PAPPA: variants seen among roughly 807,000 people sequenced by gnomAD.
PAPPA encodes the protein pappalysin-1.
Under a neutral mutation model 164.0 loss-of-function variants are expected in PAPPA, and 60 were observed. The ratio of observed to expected loss-of-function variants is 0.37; its 90% CI spans 0.30 to 0.45. The LOEUF (loss-of-function observed/expected upper bound fraction) is 0.45. Among genes scored for constraint, PAPPA ranks in the 20% least tolerant of loss-of-function variants. The pLI is 1.00. For missense variants in PAPPA, 1,782 were observed against 2,087.3 expected, an observed-to-expected ratio of 0.85 and a Z score of 2.85; for synonymous variants, 875 against 814.1, an observed-to-expected ratio of 1.07 and a Z score of -1.27.
chr9:116,310,282 G>C (rs367945399), intron 10 of PAPPA, among the ~76,000 whole-genome samples: 21 of 152,288 alleles, frequency 1.4e-4, no homozygotes, highest in African/African-American at 5.1e-4. Context: ...GGTGGTGGAA[G>C]GAGGAAAGGC....
At chr9:116,193,987 T>C (rs1050019666) in intron 2 of PAPPA, among the ~76,000 whole-genome samples, 7 of 152,184 alleles carry the variant, frequency 4.6e-5, no homozygotes, top group African/African-American at 1.7e-4. Context: ...AGAAAAGAGC[T>C]GGTGGGCTGG....
chr9:116,265,776 C>T, intron 7 of PAPPA, 81 bp from the exon 8 acceptor site: 10 of 1,180,232 alleles, frequency 8.5e-6, no homozygotes, highest in Non-Finnish European at 1.2e-5. Flanking sequence ...ATAGAACCTA[C>T]TCCAGGGGAT....
chr9:116,378,611 C>A (rs1010154133), intron 20 of PAPPA, among the ~76,000 whole-genome samples: 1 of 152,142 alleles, frequency 6.6e-6, no homozygotes, highest in East Asian at 1.9e-4. Context: ...TAAACAGAGA[C>A]CCAGGCAGTG....
chr9:116,178,309 T>C (rs1168307961), intron 1 of PAPPA, among the ~76,000 whole-genome samples: 2 of 152,110 alleles, frequency 1.3e-5, no homozygotes, highest in African/African-American at 2.4e-5. Flanking sequence ...GGTTTCATCA[T>C]GTTGGCCAGG....
Position 116,271,569 on chromosome 9 carries a change from G to C in PAPPA, c.2953+153G>C, listed in dbSNP as rs1845138233. 6.6e-6 allele frequency among the ~76,000 whole-genome samples: 1 copy of C among 152,166 alleles called. No homozygotes were observed. The highest frequency in any genetic ancestry group is 2.4e-5 in the African/African-American group (1 of 41,436). ...GAGTGCCTCCTACATGCCAGGCACT[G>C]TTTTCAATATCGGGAAATACAGCAG... On this transcript the variant is annotated intron_variant, in intron 9 of 21. Coordinates refer to ENST00000328252, the MANE Select transcript of PAPPA (RefSeq NM_002581.5). This position sits in a 1 kb window ranked among gnomAD's most constrained non-coding sequence, Gnocchi z 4.2.
At chr9:116,172,461 C>T (rs189668882) in intron 1 of PAPPA, among the ~76,000 whole-genome samples, 199 of 152,304 alleles carry the variant, frequency 1.3e-3, no homozygotes, top group African/African-American at 4.1e-3. Context: ...GTACTAGACA[C>T]AGTAGCCACA....
intron 2 of PAPPA, among the ~76,000 whole-genome samples, chr9:116,188,454 T>C (rs1389373957): frequency 6.6e-6 from 1 of 152,158 alleles, no homozygotes; most frequent in African/African-American, 2.4e-5. Flanking sequence ...CTGAGAGCCC[T>C]GTTTTCTCAA....
Position 116,401,800 on chromosome 9 carries a change from T to C in PAPPA, c.*5184T>C, listed in dbSNP as rs1464636863. On this transcript the variant is annotated 3_prime_UTR_variant, in exon 22 of 22. Coordinates refer to ENST00000328252, the MANE Select transcript of PAPPA (RefSeq NM_002581.5). ...AAGCTACCAAAAAAATGACACTCCA[T>C]TGAAGTGCTTAAAAGCTGTTCTCAT... 2.0e-5 allele frequency: 3 copies of C among 150,500 alleles called. No individual in the cohort carries two copies. The highest frequency in any genetic ancestry group is 7.3e-5 in the African/African-American group (3 of 41,094). 9.3% of individuals were successfully genotyped at this position (150,500 alleles called of 1,614,324 possible). A position where few individuals can be genotyped will look rare whatever the true frequency, so the allele number is the denominator to read the frequency against.
At chr9:116,221,898 G>T (rs930975735) in intron 5 of PAPPA, among the ~76,000 whole-genome samples, 3 of 152,084 alleles carry the variant, frequency 2.0e-5, no homozygotes, top group Admixed American at 6.6e-5. Context: ...TCAGGAAAAG[G>T]CAAATTAAAA....
At chr9:116,375,663 C>T (rs1429205918) in intron 19 of PAPPA, among the ~76,000 whole-genome samples, 1 of 152,166 alleles carries the variant, frequency 6.6e-6, no homozygotes, top group Non-Finnish European at 1.5e-5. Context: ...GAAAGGCACC[C>T]AATCCAGTCT....
intron 19 of PAPPA, chr9:116,373,639 A>G (rs997029337): frequency 2.2e-4 from 33 of 151,950 alleles, no homozygotes; most frequent in African/African-American, 7.2e-4. Context: ...TAGATGCTCT[A>G]CCCACTCCAA....
intron 2 of PAPPA, among the ~76,000 whole-genome samples, chr9:116,198,231 G>T (rs531451355): frequency 4.6e-5 from 7 of 152,284 alleles, no homozygotes; most frequent in African/African-American, 1.7e-4. Context: ...TGAGATAATT[G>T]TATTACTACT....
chr9:116,202,099 C>G (rs930617419), intron 2 of PAPPA, among the ~76,000 whole-genome samples: 2 of 152,202 alleles, frequency 1.3e-5, no homozygotes, highest in Admixed American at 1.3e-4. Context: ...TTGATCTGGG[C>G]TCACTGTAAG....
intron 9 of PAPPA, among the ~76,000 whole-genome samples, chr9:116,283,578 C>T (rs1352332033): frequency 6.6e-6 from 1 of 152,144 alleles, no homozygotes; most frequent in African/African-American, 2.4e-5. Flanking sequence ...ATGGGATGCT[C>T]TTCAAGGGCC....
At chr9:116,306,244 G>T (rs1211397377) in intron 10 of PAPPA, among the ~76,000 whole-genome samples, 1 of 152,318 alleles carries the variant, frequency 6.6e-6, no homozygotes, top group African/African-American at 2.4e-5. Context: ...TTAGGAGTGA[G>T]AATTCTATCA....
chr9:116,298,383 T>C (rs905253711), intron 9 of PAPPA, among the ~76,000 whole-genome samples: 19 of 152,380 alleles, frequency 1.2e-4, no homozygotes, highest in East Asian at 1.9e-4. Flanking sequence ...ACTTTGCTAA[T>C]GGCACCTACC....
chr9:116,321,075 C>T (rs962052097), intron 10 of PAPPA, among the ~76,000 whole-genome samples: 7 of 151,656 alleles, frequency 4.6e-5, no homozygotes, highest in East Asian at 1.9e-4. Flanking sequence ...TCACCCAGGC[C>T]GGACTGCAGT....
chr9:116,324,606 A>T (rs1845899128), intron 10 of PAPPA, among the ~76,000 whole-genome samples: 1 of 152,238 alleles, frequency 6.6e-6, no homozygotes, highest in Non-Finnish European at 1.5e-5. Flanking sequence ...ACTGAGGTAT[A>T]AATAAGGAAC....
chr9:116,247,966 A>G (rs777926913), intron 7 of PAPPA, among the ~76,000 whole-genome samples: 1 of 152,226 alleles, frequency 6.6e-6, no homozygotes, highest in Non-Finnish European at 1.5e-5. Context: ...GGAAAAACTG[A>G]TAAGATAATA....
Sources: allele counts gnomAD v4.1 joint callset (sites outside exome capture counted in the v4.1 genomes callset), GRCh38; gene constraint gnomAD v4.1.1; non-coding constraint Gnocchi (gnomAD v3.1); transcripts MANE v1.5; gene names NCBI Gene and HGNC (gene_info 2026-07-23, HGNC 2026-07-21).